Variants in CACNA1D observed in about 807,000 individuals in gnomAD.
The protein encoded by CACNA1D is voltage-dependent L-type calcium channel subunit alpha-1D.
CACNA1D carries 55 observed loss-of-function variants against 257.1 expected under a neutral mutation model. The observed-to-expected ratio is 0.21, with a 90% CI of 0.17 to 0.27. The LOEUF is 0.27. Ranked by LOEUF, CACNA1D falls within the 10% of genes least tolerant of loss-of-function variation. The pLI, the probability that CACNA1D is intolerant of heterozygous loss-of-function variation, is 1.00. For missense variants in CACNA1D, 1,876 were observed against 2,784.0 expected, an observed-to-expected ratio of 0.67 and a Z score of 7.34; for synonymous variants, 980 against 1,014.9, an observed-to-expected ratio of 0.97 and a Z score of 0.65.
At chr3:53,659,510 A>G (rs867370874) in intron 4 of CACNA1D, among the ~76,000 whole-genome samples, 6 of 152,294 alleles carry the variant, frequency 3.9e-5, no homozygotes, top group Middle Eastern at 3.4e-3. Context: ...AGTACTTCCT[A>G]TGTGTCAGAT....
intron 20 of CACNA1D, among the ~76,000 whole-genome samples, chr3:53,739,474 G>T (rs1298498474): frequency 6.6e-6 from 1 of 152,186 alleles, no homozygotes; most frequent in East Asian, 1.9e-4. Context: ...ATGGCTCCGA[G>T]GAGAAGCAGG....
At chr3:53,693,508 A>G (rs1472709711) in intron 8 of CACNA1D, among the ~76,000 whole-genome samples, 1 of 151,480 alleles carries the variant, frequency 6.6e-6, no homozygotes, top group East Asian at 1.9e-4. Flanking sequence ...TTGAACAGAA[A>G]CTGAACCTTT....
Position 53,510,216 on chromosome 3 carries a change from C to A in CACNA1D, c.483+8496C>A, listed in dbSNP as rs1340557138. ...AATTACAATGATCAGTTCCGTGTGT[C>A]CCTTCCGAATTGTTTTTCACAGCGT... On this transcript the variant is annotated intron_variant, in intron 3 of 47. Transcript: ENST00000350061. Among the ~76,000 whole-genome samples, 5 of 152,230 alleles carry A rather than the reference C, an allele frequency of 3.3e-5. No homozygotes were observed. The East Asian group carries it at 9.6e-4, about 29-fold the overall frequency.
At chr3:53,610,709 T>C (rs1304616938) in intron 3 of CACNA1D, among the ~76,000 whole-genome samples, 2 of 152,208 alleles carry the variant, frequency 1.3e-5, no homozygotes, top group African/African-American at 4.8e-5. Context: ...CCTTTTCCCC[T>C]TTTTCTGCCT....
At chr3:53,506,194 A>C (rs1039268934) in intron 3 of CACNA1D, among the ~76,000 whole-genome samples, 1 of 152,126 alleles carries the variant, frequency 6.6e-6, no homozygotes, top group African/African-American at 2.4e-5. Context: ...GGTTCTGTCT[A>C]TTCTTCTCAG....
chr3:53,732,671 T>G, intron 18 of CACNA1D, 144 bp from the exon 19 acceptor site: 1 of 797,680 alleles, frequency 1.3e-6, no homozygotes, highest in Non-Finnish European at 2.2e-6. Flanking sequence ...CAGTCCATGT[T>G]CTGAAGGAGC....
At chr3:53,777,179 G>T (rs542749389) in intron 37 of CACNA1D, among the ~76,000 whole-genome samples, 1 of 152,292 alleles carries the variant, frequency 6.6e-6, no homozygotes, top group Admixed American at 6.5e-5. Flanking sequence ...TTGTCATTGG[G>T]TGGATGGTAG....
rs1178897569 is a variant in CACNA1D, at chr3:53,760,745, A to G, written c.3787-1253A>G. Among the ~76,000 whole-genome samples the G allele has an allele frequency of 2.0e-5, 3 of 152,232 alleles. No homozygotes were observed. In the South Asian group the frequency reaches 6.2e-4, roughly 31 times the overall value. On this transcript the variant is annotated intron_variant, in intron 29 of 47. Coordinates refer to ENST00000350061, the MANE Select transcript of CACNA1D (RefSeq NM_001128840.3). ...CAATTGTGGGGATGTTGTACCCTCAAAATTGTTGCAAGATAGCAGGACCTG... is the reference window on the plus strand; with the variant it reads ...CAATTGTGGGGATGTTGTACCCTCAGAATTGTTGCAAGATAGCAGGACCTG...
rs1391568387 is a variant in CACNA1D at position 53,811,170 on chromosome 3, A to G, written c.6250A>G (p.Thr2084Ala). ...YARDPKFVSATKHEIADACDL... is the reference protein window; with the variant it reads ...YARDPKFVSAAKHEIADACDL... ...AAGGGACCCAAAATTTGTGTCAGCA[A>G]CAAAACACGAAATCGCTGATGCCTG... The change falls in exon 48 of 48, where the codon ACA (threonine) becomes GCA (alanine). Residue 2084 changes from threonine to alanine, a missense_variant. Thr to Ala is a moderately conservative substitution (Grantham distance 58). Transcript: ENST00000350061. This position sits in a 1 kb window ranked among gnomAD's most constrained non-coding sequence, Gnocchi z 4.2. 5.6e-6 allele frequency: 9 copies of G among 1,614,058 alleles called. No individual in the cohort carries two copies. The African/African-American group carries it at 8.0e-5, about 14-fold the overall frequency.
Position 53,673,588 on chromosome 3 carries a change from T to A in CACNA1D, c.1220+462T>A. 1 of 745,188 alleles carries A rather than the reference T, an allele frequency of 1.3e-6. No homozygotes were observed. Among genetic ancestry groups the A allele is most frequent in the Non-Finnish European group, 2.4e-6 (1 of 410,702 alleles). 46.2% of individuals were successfully genotyped at this position (745,188 alleles called of 1,614,324 possible). A position where few individuals can be genotyped will look rare whatever the true frequency, so the allele number is the denominator to read the frequency against. ...AAAAAAAAAAAAAAAGGGAAGGACCTAGGCCCAGTCCCTGTCCTAGGAGCA... is the reference window on the plus strand; with the variant it reads ...AAAAAAAAAAAAAAAGGGAAGGACCAAGGCCCAGTCCCTGTCCTAGGAGCA... On this transcript the variant is annotated intron_variant, in intron 8 of 47. Transcript: ENST00000350061. The surrounding 1 kb of genome is among the most constrained non-coding windows in gnomAD (Gnocchi z 4.1).
In CACNA1D at chr3:53,497,324, C is replaced by T. The variant is rs1559750645; in HGVS notation, c.240C>T (p.Leu80=). ...CTGCACCCCCACCTGTAGGATCTCT[C>T]TCCCAAAGAAAACGTCAGCAATACG... The part of the protein sequence containing the change: ...STSAPPPVGS[L]SQRKRQQYAK... The change falls in exon 2 of 48, where the codon CTC becomes CTT. Residue 80 remains leucine, a synonymous_variant. Transcript: ENST00000350061. The T allele has an allele frequency of 6.2e-7, 1 of 1,614,156 alleles. No individual in the cohort carries two copies.
intron 3 of CACNA1D, among the ~76,000 whole-genome samples, chr3:53,597,985 C>G (rs1163879948): frequency 6.6e-6 from 1 of 152,136 alleles, no homozygotes; most frequent in Non-Finnish European, 1.5e-5. Context: ...ATGGCCTTTT[C>G]CTGGCAGTTT....
At chr3:53,555,769 C>A (rs914910217) in intron 3 of CACNA1D, among the ~76,000 whole-genome samples, 1 of 152,124 alleles carries the variant, frequency 6.6e-6, no homozygotes, top group African/African-American at 2.4e-5. Context: ...GGGCTCCTTT[C>A]TCTGCCTTTA....
intron 9 of CACNA1D, among the ~76,000 whole-genome samples, chr3:53,705,379 C>G (rs1478062911): frequency 6.6e-6 from 1 of 152,108 alleles, no homozygotes; most frequent in Non-Finnish European, 1.5e-5. Context: ...AGGAAAGAAA[C>G]AAAACCTGTT....
intron 30 of CACNA1D, among the ~76,000 whole-genome samples, chr3:53,766,822 C>G: frequency 6.6e-6 from 1 of 152,172 alleles, no homozygotes; most frequent in Non-Finnish European, 1.5e-5. Context: ...TTGTCCAAGC[C>G]CTGAGGTGAC....
chr3:53,704,052 G>A (rs532557922), intron 9 of CACNA1D, among the ~76,000 whole-genome samples: 1 of 152,196 alleles, frequency 6.6e-6, no homozygotes, highest in African/African-American at 2.4e-5. Flanking sequence ...ACAAAGGCCA[G>A]GTTTCAGGGA....
At chr3:53,767,420 G>T (rs898399208) in intron 30 of CACNA1D, among the ~76,000 whole-genome samples, 3 of 151,996 alleles carry the variant, frequency 2.0e-5, no homozygotes, top group African/African-American at 7.2e-5. Context: ...CAAAAAATTC[G>T]GCAGGCATGG....
At chr3:53,754,904 A>G (rs1316555642) in intron 29 of CACNA1D, among the ~76,000 whole-genome samples, 4 of 152,224 alleles carry the variant, frequency 2.6e-5, no homozygotes, top group African/African-American at 4.8e-5. Context: ...TCTCTATGCA[A>G]TCTTTATCAG....
intron 3 of CACNA1D, among the ~76,000 whole-genome samples, chr3:53,586,289 T>TGTGC (rs2093215480): frequency 6.6e-6 from 1 of 150,486 alleles, no homozygotes; most frequent in Non-Finnish European, 1.5e-5. Context: ...TGTGTGTGTG[T>TGTGC]GTGTGTGTGT....
Sources: allele counts gnomAD v4.1 joint callset (sites outside exome capture counted in the v4.1 genomes callset), GRCh38; gene constraint gnomAD v4.1.1; non-coding constraint Gnocchi (gnomAD v3.1); transcripts MANE v1.5; gene names NCBI Gene and HGNC (gene_info 2026-07-23, HGNC 2026-07-21).